KIAA1549L: variants seen among roughly 807,000 people sequenced by gnomAD.
KIAA1549L encodes the protein KIAA1549 like.
KIAA1549L carries 88 observed loss-of-function variants against 160.7 expected under a neutral mutation model. That is an observed-to-expected ratio of 0.55 (90% CI 0.46 to 0.65). KIAA1549L has a LOEUF of 0.65. Ranked by LOEUF, KIAA1549L falls within the 30% of genes least tolerant of loss-of-function variation. The pLI is 0.00. For missense variants in KIAA1549L, 2,258 were observed against 2,437.5 expected (o/e 0.93, Z 1.55); for synonymous variants, 950 against 976.7 (o/e 0.97, Z 0.51).
At chr11:33,411,648 AG>A (rs1179026174) in intron 1 of KIAA1549L, among the ~76,000 whole-genome samples, 1 of 152,212 alleles carries the variant, frequency 6.6e-6, no homozygotes, top group East Asian at 1.9e-4. Context: ...ACCCAGCTGT[AG>A]GTAGCTTTTT....
chr11:33,660,195 A>AG (rs11370950), intron 19 of KIAA1549L, among the ~76,000 whole-genome samples: 152,385 of 152,386 alleles, frequency 1, 76,192 homozygotes, highest in Middle Eastern at 1. Context: ...TCTGGACTTT[A>AG]GCCCACTTGG....
intron 5 of KIAA1549L, 126 bp downstream of exon 5, chr11:33,551,385 C>T: frequency 1.3e-6 from 1 of 752,060 alleles, no homozygotes; most frequent in Non-Finnish European, 2.3e-6. Flanking sequence ...GAACCTTCTT[C>T]AAAGGGTCCT....
intron 10 of KIAA1549L, among the ~76,000 whole-genome samples, chr11:33,579,592 G>C (rs1287109687): frequency 6.6e-6 from 1 of 152,170 alleles, no homozygotes; most frequent in Non-Finnish European, 1.5e-5. Context: ...CCCAGGACTG[G>C]GGACACTGAT....
chr11:33,525,861 G>GA (rs1853599139), intron 1 of KIAA1549L, among the ~76,000 whole-genome samples: 1 of 152,034 alleles, frequency 6.6e-6, no homozygotes, highest in Non-Finnish European at 1.5e-5. Flanking sequence ...CTCTTCCCTG[G>GA]AAACCTGTAT....
intron 1 of KIAA1549L, among the ~76,000 whole-genome samples, chr11:33,475,165 C>T (rs1852257960): frequency 6.6e-6 from 1 of 152,160 alleles, no homozygotes; most frequent in African/African-American, 2.4e-5. Context: ...CACCCAATTC[C>T]TCACCTCGTC....
chr11:33,502,492 A>G (rs2133089591), intron 1 of KIAA1549L, among the ~76,000 whole-genome samples: 1 of 152,206 alleles, frequency 6.6e-6, no homozygotes, highest in Non-Finnish European at 1.5e-5. Context: ...CAGTTTCTCA[A>G]GTTGAGTTGA....
At chr11:33,623,550 A>G (rs1367395548) in intron 16 of KIAA1549L, among the ~76,000 whole-genome samples, 15 of 152,204 alleles carry the variant, frequency 9.9e-5, no homozygotes, top group Admixed American at 9.2e-4. Flanking sequence ...CTCATGGGAA[A>G]TCAGGCTCCC....
At chr11:33,539,964 G>A (rs1287831099) in intron 1 of KIAA1549L, among the ~76,000 whole-genome samples, 3 of 152,172 alleles carry the variant, frequency 2.0e-5, no homozygotes, top group Non-Finnish European at 4.4e-5. Flanking sequence ...TGTTTCATAG[G>A]AGCTATCTTG....
Position 33,669,657 on chromosome 11 carries a change from T to C in KIAA1549L, c.*1503T>C, listed in dbSNP as rs950738947. ...TTCTTTGGTCTTTACTGAAAGAAGATAGTAGAAATTTAAAAGTTGAGAGAA... is the reference window on the plus strand; with the variant it reads ...TTCTTTGGTCTTTACTGAAAGAAGACAGTAGAAATTTAAAAGTTGAGAGAA... On this transcript the variant is annotated 3_prime_UTR_variant, in exon 21 of 21. Transcript: ENST00000658780. The C allele has an allele frequency of 6.6e-6, 1 of 152,182 alleles. No individual in the cohort carries two copies. The highest frequency in any genetic ancestry group is 6.5e-5 in the Admixed American group (1 of 15,276). 9.4% of individuals were successfully genotyped at this position (152,182 alleles called of 1,614,324 possible). A position where few individuals can be genotyped will look rare whatever the true frequency, so the allele number is the denominator to read the frequency against.
intron 10 of KIAA1549L, among the ~76,000 whole-genome samples, chr11:33,581,062 A>G (rs560505798): frequency 1.4e-4 from 21 of 152,302 alleles, no homozygotes; most frequent in African/African-American, 5.1e-4. Context: ...TTGAGGGAGC[A>G]GAGTCGTAGC....
intron 1 of KIAA1549L, among the ~76,000 whole-genome samples, chr11:33,454,378 T>A (rs904805529): frequency 6.6e-6 from 1 of 152,162 alleles, no homozygotes; most frequent in Non-Finnish European, 1.5e-5. Flanking sequence ...AAGTAGTAAG[T>A]AAATATAGGC....
chr11:33,505,149 C>A (rs1009598034), intron 1 of KIAA1549L, among the ~76,000 whole-genome samples: 1 of 152,224 alleles, frequency 6.6e-6, no homozygotes, highest in Non-Finnish European at 1.5e-5. Context: ...AACAATAGCA[C>A]TCTGAAGTCA....
intron 1 of KIAA1549L, among the ~76,000 whole-genome samples, chr11:33,383,082 G>A (rs2753412): frequency 2.0e-5 from 3 of 151,858 alleles, no homozygotes; most frequent in Non-Finnish European, 2.9e-5. Context: ...ACATCCTTCC[G>A]TCAAACTGAC....
chr11:33,641,127 C>T (rs535207521), intron 16 of KIAA1549L, among the ~76,000 whole-genome samples: 114 of 152,306 alleles, frequency 7.5e-4, no homozygotes, highest in Middle Eastern at 3.4e-3. Context: ...TGCAGAGCTC[C>T]GAGAGACTGA....
chr11:33,408,466 A>G (rs1341306254), intron 1 of KIAA1549L, among the ~76,000 whole-genome samples: 1 of 144,568 alleles, frequency 6.9e-6, no homozygotes, highest in Non-Finnish European at 1.5e-5. Flanking sequence ...TTAGAGATAT[A>G]TATATACATA....
chr11:33,452,076 G>C (rs1261999352), intron 1 of KIAA1549L, among the ~76,000 whole-genome samples: 1 of 152,170 alleles, frequency 6.6e-6, no homozygotes, highest in African/African-American at 2.4e-5. Flanking sequence ...CAAAATCCCA[G>C]TAGAGGAGAA....
chr11:33,537,344 T>G (rs1266441899), intron 1 of KIAA1549L, among the ~76,000 whole-genome samples: 3 of 152,154 alleles, frequency 2.0e-5, no homozygotes, highest in Non-Finnish European at 2.9e-5. Context: ...CCCATAGAAC[T>G]GTGAGTTCCA....
intron 1 of KIAA1549L, among the ~76,000 whole-genome samples, chr11:33,436,086 C>T (rs948086992): frequency 4.0e-5 from 6 of 150,792 alleles, no homozygotes; most frequent in Admixed American, 2.0e-4. Context: ...TTAAAGTATA[C>T]GGGAAGATGT....
intron 1 of KIAA1549L, among the ~76,000 whole-genome samples, chr11:33,461,701 G>A (rs1283870356): frequency 1.3e-5 from 2 of 152,170 alleles, no homozygotes; most frequent in African/African-American, 4.8e-5. Flanking sequence ...CATTTACAGA[G>A]TGCTCACCAT....
Sources: allele counts gnomAD v4.1 joint callset (sites outside exome capture counted in the v4.1 genomes callset), GRCh38; gene constraint gnomAD v4.1.1; transcripts MANE v1.5; gene names NCBI Gene and HGNC (gene_info 2026-07-23, HGNC 2026-07-21).